Variants in NXPH1 observed in about 807,000 individuals in gnomAD.
NXPH1 encodes the protein neurexophilin-1.
Under a neutral mutation model 23.7 loss-of-function variants are expected in NXPH1, and 5 were observed. That is an observed-to-expected ratio of 0.21 (90% CI 0.11 to 0.44). The LOEUF (loss-of-function observed/expected upper bound fraction) is 0.44, where lower values mean the gene tolerates loss of function less well. Among genes scored for constraint, NXPH1 ranks in the 20% least tolerant of loss-of-function variants. The pLI is 0.99. For missense variants in NXPH1, 324 were observed against 321.6 expected (o/e 1.01, Z -0.06); for synonymous variants, 144 against 122.2 (o/e 1.18, Z -1.18).
chr7:8,563,702 T>A (rs182879996), intron 2 of NXPH1, among the ~76,000 whole-genome samples: 1 of 151,816 alleles, frequency 6.6e-6, no homozygotes, highest in Admixed American at 6.6e-5. Context: ...AATTCCTCCT[T>A]CTCTATAGAT....
At chr7:8,721,388 A>C (rs1779967380) in intron 2 of NXPH1, among the ~76,000 whole-genome samples, 1 of 152,256 alleles carries the variant, frequency 6.6e-6, no homozygotes. Context: ...AAAATAAAAA[A>C]ATAAAAATCT....
chr7:8,511,594 T>A (rs1164000839), intron 2 of NXPH1, among the ~76,000 whole-genome samples: 1 of 152,092 alleles, frequency 6.6e-6, no homozygotes, highest in African/African-American at 2.4e-5. Flanking sequence ...AAGAAGAAGC[T>A]GCACATTGTA....
chr7:8,528,195 C>T (rs1321221668), intron 2 of NXPH1, among the ~76,000 whole-genome samples: 3 of 152,304 alleles, frequency 2.0e-5, no homozygotes, highest in South Asian at 4.1e-4. Context: ...TTGCAAAGCC[C>T]CCCTCCTCCC....
rs537058398 is a variant in NXPH1, at chr7:8,488,696, T to C, written c.54+52929T>C. 3.3e-5 allele frequency among the ~76,000 whole-genome samples: 5 copies of C among 152,296 alleles called. No homozygotes were observed. In the East Asian group the frequency reaches 9.7e-4, roughly 29 times the overall value. Reference sequence around the variant, plus strand: ...ATTTCTGACCTAGATCAATCACCTATAGCTGTGGAACCAAGAATAAATCTA... The same window carrying C: ...ATTTCTGACCTAGATCAATCACCTACAGCTGTGGAACCAAGAATAAATCTA... On this transcript the variant is annotated intron_variant, in intron 2 of 2. Transcript: ENST00000405863.
chr7:8,555,655 C>T (rs1230733824), intron 2 of NXPH1, among the ~76,000 whole-genome samples: 1 of 151,700 alleles, frequency 6.6e-6, no homozygotes, highest in Non-Finnish European at 1.5e-5. Context: ...TCTCCCCAAC[C>T]TCATTTCTTT....
chr7:8,468,305 A>C (rs181071401), intron 2 of NXPH1, among the ~76,000 whole-genome samples: 1 of 152,098 alleles, frequency 6.6e-6, no homozygotes, highest in African/African-American at 2.4e-5. Flanking sequence ...AAATGGTTAC[A>C]TAGGTGAGTT....
At chr7:8,715,235 A>G (rs551377124) in intron 2 of NXPH1, among the ~76,000 whole-genome samples, 38 of 152,130 alleles carry the variant, frequency 2.5e-4, no homozygotes, top group African/African-American at 8.4e-4. Flanking sequence ...AAAGTTCCAC[A>G]ATCACTACAC....
intron 2 of NXPH1, among the ~76,000 whole-genome samples, chr7:8,452,156 T>C (rs577062949): frequency 1.5e-4 from 23 of 152,324 alleles, no homozygotes; most frequent in African/African-American, 4.8e-4. Context: ...TTAATAGATA[T>C]TCAGAAATAA....
Position 8,705,166 on chromosome 7 carries a change from A to G in NXPH1, c.55-45842A>G, listed in dbSNP as rs559889835. 1.1e-4 allele frequency among the ~76,000 whole-genome samples: 16 copies of G among 152,282 alleles called. No homozygotes were observed. In the East Asian group the frequency reaches 3.1e-3, roughly 29 times the overall value. Reference sequence around the variant, plus strand: ...TAGGGCATACAAAATTGTAGACTGCACTCACAGGTTTATGCAAGTGCTGAG... The same window carrying G: ...TAGGGCATACAAAATTGTAGACTGCGCTCACAGGTTTATGCAAGTGCTGAG... On this transcript the variant is annotated intron_variant, in intron 2 of 2. Coordinates refer to ENST00000405863, the MANE Select transcript of NXPH1 (RefSeq NM_152745.3).
intron 2 of NXPH1, among the ~76,000 whole-genome samples, chr7:8,709,693 C>A (rs557745360): frequency 6.6e-6 from 1 of 152,212 alleles, no homozygotes; most frequent in South Asian, 2.1e-4. Context: ...TAAAACATTC[C>A]ATTTTATGAG....
chr7:8,683,551 C>T (rs1383774580), intron 2 of NXPH1, among the ~76,000 whole-genome samples: 1 of 152,136 alleles, frequency 6.6e-6, no homozygotes, highest in African/African-American at 2.4e-5. Flanking sequence ...GCCCAGTGTG[C>T]TTTCTTCTGG....
intron 2 of NXPH1, among the ~76,000 whole-genome samples, chr7:8,659,006 T>TATATA (rs200623023): frequency 3.2e-5 from 2 of 63,106 alleles, no homozygotes; most frequent in African/African-American, 1.1e-4. Context: ...TATATATATA[T>TATATA]TTTTTTTTTT....
intron 2 of NXPH1, among the ~76,000 whole-genome samples, chr7:8,571,177 T>C (rs1318508467): frequency 6.6e-6 from 1 of 151,756 alleles, no homozygotes. Context: ...CTATAGCATG[T>C]TGAAATTTGA....
At chr7:8,511,877 T>C (rs1204139832) in intron 2 of NXPH1, among the ~76,000 whole-genome samples, 1 of 152,140 alleles carries the variant, frequency 6.6e-6, no homozygotes, top group Non-Finnish European at 1.5e-5. Context: ...ATTGAAGGCA[T>C]ATTTTCTTTT....
intron 2 of NXPH1, among the ~76,000 whole-genome samples, chr7:8,455,512 G>A (rs1001146033): frequency 3.9e-5 from 6 of 152,192 alleles, no homozygotes; most frequent in Non-Finnish European, 8.8e-5. Context: ...TTATTTCCTA[G>A]CCAGGACATT....
intron 2 of NXPH1, among the ~76,000 whole-genome samples, chr7:8,476,315 T>C (rs1263900108): frequency 6.6e-6 from 1 of 152,172 alleles, no homozygotes; most frequent in Non-Finnish European, 1.5e-5. Context: ...GACAAGTTTC[T>C]TCCCTCAAAC....
intron 2 of NXPH1, among the ~76,000 whole-genome samples, chr7:8,600,850 C>G (rs1474107742): frequency 6.6e-6 from 1 of 151,802 alleles, no homozygotes; most frequent in Admixed American, 6.6e-5. Flanking sequence ...TCCCTGGGTT[C>G]TGCATCCCTG....
intron 2 of NXPH1, among the ~76,000 whole-genome samples, chr7:8,731,471 T>C: frequency 6.6e-6 from 1 of 152,192 alleles, no homozygotes; most frequent in East Asian, 1.9e-4. Flanking sequence ...TCTTTGTGAT[T>C]TTATCTACTT....
chr7:8,578,846 CA>C (rs1354672466), intron 2 of NXPH1, among the ~76,000 whole-genome samples: 1 of 152,110 alleles, frequency 6.6e-6, no homozygotes, highest in African/African-American at 2.4e-5. Flanking sequence ...TTGAGCCTTA[CA>C]AGATTGCAGG....
Sources: gnomAD v4.1 joint callset for allele counts (sites outside exome capture counted in the v4.1 genomes callset) on GRCh38, gnomAD v4.1.1 for gene constraint, MANE v1.5 for transcripts, NCBI Gene and HGNC (gene_info 2026-07-23, HGNC 2026-07-21) for gene names.